Variants in GRID1 observed in about 807,000 individuals in gnomAD.
GRID1 encodes glutamate receptor ionotropic, delta-1.
A neutral mutation model predicts 98.0 loss-of-function variants in GRID1; 28 were observed. The ratio of observed to expected loss-of-function variants is 0.29; its 90% confidence interval spans 0.21 to 0.39. The LOEUF (loss-of-function observed/expected upper bound fraction) is 0.39. Ranked by LOEUF, GRID1 falls within the 10% of genes least tolerant of loss-of-function variation. The pLI is 1.00. For missense variants in GRID1, 1,111 were observed against 1,340.5 expected, an observed-to-expected ratio of 0.83 and a Z score of 2.67; for synonymous variants, 553 against 538.5, an observed-to-expected ratio of 1.03 and a Z score of -0.37.
intron 8 of GRID1, among the ~76,000 whole-genome samples, chr10:85,731,939 G>A (rs35109428): frequency 0.39 from 57,217 of 146,250 alleles, 11,508 homozygotes; most frequent in African/African-American, 0.55. Flanking sequence ...GAGAGAGAAG[G>A]GAAGGGAAGG....
intron 8 of GRID1, among the ~76,000 whole-genome samples, chr10:85,800,809 TG>T: frequency 6.6e-6 from 1 of 152,132 alleles, no homozygotes; most frequent in East Asian, 1.9e-4. Context: ...ACCTATGAGG[TG>T]GATATAATTC....
chr10:86,341,665 A>G (rs901995867), intron 2 of GRID1, among the ~76,000 whole-genome samples: 3 of 152,122 alleles, frequency 2.0e-5, no homozygotes, highest in Non-Finnish European at 4.4e-5. Flanking sequence ...GTCTCTTGCT[A>G]TGAGCCTGGC....
chr10:85,794,331 C>G (rs139985453), intron 8 of GRID1, among the ~76,000 whole-genome samples: 1 of 152,126 alleles, frequency 6.6e-6, no homozygotes, highest in Non-Finnish European at 1.5e-5. Flanking sequence ...CAGCTATTTC[C>G]GTCCCTGAGA....
chr10:86,055,758 A>AAGAAGAAGAAGG (rs1554849838), intron 4 of GRID1, among the ~76,000 whole-genome samples: 14 of 151,488 alleles, frequency 9.2e-5, no homozygotes, highest in African/African-American at 3.2e-4. Flanking sequence ...CAACAAGAAG[A>AAGAAGAAGAAGG]AGAAGGAGAA....
chr10:86,093,802 T>G (rs1352936726), intron 4 of GRID1, among the ~76,000 whole-genome samples: 1 of 152,148 alleles, frequency 6.6e-6, no homozygotes, highest in Admixed American at 6.5e-5. Context: ...TCTGACACTA[T>G]TCCACAAGAA....
At chr10:85,963,054 G>C (rs1842290821) in intron 4 of GRID1, among the ~76,000 whole-genome samples, 1 of 152,194 alleles carries the variant, frequency 6.6e-6, no homozygotes, top group Non-Finnish European at 1.5e-5. Context: ...CTGGAAGAAT[G>C]ACATGTGTTG....
chr10:85,680,715 C>T (rs73326682), intron 12 of GRID1, among the ~76,000 whole-genome samples: 4,596 of 152,130 alleles, frequency 0.03, 203 homozygotes, highest in African/African-American at 0.1. Flanking sequence ...AGCAAAGATA[C>T]GGAACCAATC....
chr10:85,947,804 C>G (rs1403657857), intron 4 of GRID1, among the ~76,000 whole-genome samples: 1 of 152,246 alleles, frequency 6.6e-6, no homozygotes, highest in East Asian at 1.9e-4. Flanking sequence ...CGTCCCAATA[C>G]ACTCAATAGC....
At chr10:86,165,489 G>T (rs2131989339) in intron 3 of GRID1, among the ~76,000 whole-genome samples, 1 of 152,324 alleles carries the variant, frequency 6.6e-6, no homozygotes, top group South Asian at 2.1e-4. Flanking sequence ...AGAGGGCTGG[G>T]AGAAGAGGGG....
intron 8 of GRID1, among the ~76,000 whole-genome samples, chr10:85,838,831 C>T (rs1014712923): frequency 2.6e-5 from 4 of 152,072 alleles, no homozygotes; most frequent in Admixed American, 2.0e-4. Context: ...TCTAAATGCC[C>T]ACAATTAAGC....
At chr10:85,789,906 C>A (rs1399299011) in intron 8 of GRID1, among the ~76,000 whole-genome samples, 2 of 152,186 alleles carry the variant, frequency 1.3e-5, no homozygotes, top group African/African-American at 2.4e-5. Context: ...CTGGCTTCCC[C>A]CAGGCTGAAG....
chr10:86,076,790 C>T lies in GRID1; in HGVS notation c.726+62029G>A, dbSNP rs565712486. ...GGCTGTGAGGGGGATTTGTCCCTGC[C>T]TTTGTACTAGCTGCTGAGGGTTTGC... On this transcript the variant is annotated intron_variant, in intron 4 of 15. Coordinates refer to ENST00000327946, the MANE Select transcript of GRID1 (RefSeq NM_017551.3). 5.8e-5 allele frequency among the ~76,000 whole-genome samples: 8 copies of T among 137,020 alleles called. No individual in the cohort carries two copies. In the South Asian group the frequency reaches 1.1e-3, roughly 19 times the overall value. 89.9% of individuals were successfully genotyped at this position (137,020 alleles called of 152,430 possible).
intron 8 of GRID1, among the ~76,000 whole-genome samples, chr10:85,776,470 A>AGT (rs1334333934): frequency 1.3e-5 from 2 of 152,200 alleles, no homozygotes; most frequent in Admixed American, 1.3e-4. Flanking sequence ...CACGCAAGAC[A>AGT]GTGCCAGGGT....
chr10:86,330,069 C>A (rs1848116081), intron 2 of GRID1, among the ~76,000 whole-genome samples: 1 of 152,138 alleles, frequency 6.6e-6, no homozygotes, highest in South Asian at 2.1e-4. Flanking sequence ...CTCCCCCATC[C>A]CAGTAGCGTC....
At chr10:85,946,103 G>A (rs1842050791) in intron 4 of GRID1, among the ~76,000 whole-genome samples, 1 of 152,110 alleles carries the variant, frequency 6.6e-6, no homozygotes, top group Admixed American at 6.5e-5. Flanking sequence ...GTTTTTTAAT[G>A]AGAGAAAAAT....
At chr10:85,704,641 T>C (rs1022178012) in intron 12 of GRID1, among the ~76,000 whole-genome samples, 2 of 152,170 alleles carry the variant, frequency 1.3e-5, no homozygotes, top group African/African-American at 4.8e-5. Context: ...TACAGAACTC[T>C]CCACCCCAAA....
chr10:85,758,104 T>C (rs1401874304), intron 8 of GRID1, among the ~76,000 whole-genome samples: 3 of 152,230 alleles, frequency 2.0e-5, no homozygotes, highest in Non-Finnish European at 4.4e-5. Flanking sequence ...TTGATTCCAT[T>C]TCTGCATCTG....
At chr10:85,733,120 T>A (rs928331021) in intron 8 of GRID1, among the ~76,000 whole-genome samples, 2 of 152,212 alleles carry the variant, frequency 1.3e-5, no homozygotes, top group African/African-American at 4.8e-5. Flanking sequence ...AACATTAGAA[T>A]GACACATTTA....
At chr10:85,791,345 A>G (rs1842478006) in intron 8 of GRID1, among the ~76,000 whole-genome samples, 1 of 152,254 alleles carries the variant, frequency 6.6e-6, no homozygotes, top group Admixed American at 6.5e-5. Context: ...CGCAATGCAG[A>G]TCTTAGAAGA....
Sources: gnomAD v4.1 joint callset for allele counts (sites outside exome capture counted in the v4.1 genomes callset) on GRCh38, gnomAD v4.1.1 for gene constraint, MANE v1.5 for transcripts, NCBI Gene and HGNC (gene_info 2026-07-23, HGNC 2026-07-21) for gene names.